The following FBXL17 variants were observed in gnomAD, a reference collection of about 807,000 sequenced individuals.
FBXL17 encodes the protein F-box/LRR-repeat protein 17.
In FBXL17, 22 loss-of-function variants were observed where a neutral mutation model predicts 66.2. The observed-to-expected ratio is 0.33, with a 90% CI of 0.24 to 0.47. The LOEUF is 0.47. Ranked by LOEUF, FBXL17 falls within the 20% of genes least tolerant of loss-of-function variation. The probability of loss-of-function intolerance (pLI) is 1.00; values close to 1 mark genes in which losing one functional copy is unlikely to be tolerated. For synonymous variants in FBXL17, 474 were observed against 400.5 expected (o/e 1.18, Z -2.19); for missense variants, 878 against 948.2 (o/e 0.93, Z 0.97).
At chr5:107,862,653 A>G (rs1477654965) in intron 8 of FBXL17, among the ~76,000 whole-genome samples, 1 of 152,256 alleles carries the variant, frequency 6.6e-6, no homozygotes, top group Non-Finnish European at 1.5e-5. Context: ...AGCTTTATTT[A>G]AAATCTTTAT....
chr5:108,036,477 T>C (rs1746845775), intron 6 of FBXL17, among the ~76,000 whole-genome samples: 1 of 152,180 alleles, frequency 6.6e-6, no homozygotes, highest in African/African-American at 2.4e-5. Context: ...TTACATTCCG[T>C]ATCTGGCCCT....
intron 5 of FBXL17, among the ~76,000 whole-genome samples, chr5:108,196,324 A>G (rs1450974196): frequency 1.3e-5 from 2 of 152,124 alleles, no homozygotes; most frequent in African/African-American, 2.4e-5. Flanking sequence ...GTAACAGCAT[A>G]ATTCAGCCTT....
chr5:107,893,797 G>A (rs1416722850), intron 7 of FBXL17, among the ~76,000 whole-genome samples: 1 of 152,058 alleles, frequency 6.6e-6, no homozygotes, highest in Non-Finnish European at 1.5e-5. Context: ...CATTGATTGC[G>A]ACATAAACCA....
intron 3 of FBXL17, among the ~76,000 whole-genome samples, chr5:108,351,129 A>C (rs1027526813): frequency 3.3e-5 from 5 of 152,210 alleles, no homozygotes; most frequent in African/African-American, 1.2e-4. Flanking sequence ...CTAGGTAAAG[A>C]AATAAAAAGA....
intron 5 of FBXL17, among the ~76,000 whole-genome samples, chr5:108,195,002 TA>T (rs1330252637): frequency 2.0e-5 from 3 of 152,058 alleles, no homozygotes; most frequent in Non-Finnish European, 4.4e-5. Flanking sequence ...TTTAATCACT[TA>T]AAAAATGCAA....
Position 108,381,024 on chromosome 5 carries a change from C to A in FBXL17, c.668G>T (p.Gly223Val). The change falls in exon 1 of 9, where the codon GGC (glycine) becomes GTC (valine). Residue 223 changes from glycine to valine, a missense_variant. This residue lies in a region of FBXL17 where 605 missense variants were observed against 509.5 expected (regional missense o/e 1.19). Coordinates refer to ENST00000542267, the MANE Select transcript of FBXL17 (RefSeq NM_001163315.3). ...CCCTCCCCCGCCACCGCCGCCGCCG[C>A]CGCCGCCGCAGCCCCCGCCGCCGCA... ...PRCGGGGCGGGGGGGGGGGPA... is the reference protein window; with the variant it reads ...PRCGGGGCGGVGGGGGGGGPA... The A allele has an allele frequency of 1.7e-6, 2 of 1,190,196 alleles. No individual in the cohort carries two copies. The highest frequency in any genetic ancestry group is 2.1e-6 in the Non-Finnish European group (2 of 961,662). 73.7% of individuals were successfully genotyped at this position (1,190,196 alleles called of 1,614,324 possible). A position where few individuals can be genotyped will look rare whatever the true frequency, so the allele number is the denominator to read the frequency against.
At chr5:108,157,180 T>C (rs1257628146) in intron 6 of FBXL17, among the ~76,000 whole-genome samples, 1 of 130,000 alleles carries the variant, frequency 7.7e-6, no homozygotes, top group Admixed American at 7.7e-5. Context: ...CTGAACAAAC[T>C]GGAAAAAAAA....
chr5:107,944,667 T>A lies in FBXL17; in HGVS notation c.1823-63488A>T, dbSNP rs138061039. Among the ~76,000 whole-genome samples, 620 of 152,314 alleles carry A rather than the reference T, an allele frequency of 4.1e-3. 5 individuals are homozygous for A. The highest frequency in any genetic ancestry group is 0.014 in the African/African-American group (597 of 41,586). On this transcript the variant is annotated intron_variant, in intron 7 of 8. Coordinates refer to ENST00000542267, the MANE Select transcript of FBXL17 (RefSeq NM_001163315.3). ...TCAAATAGATAATTTTGTTAACCTA[T>A]TAACTTTGATGAGACTGCCACATGT... is the stretch of plus-strand genomic sequence containing the variant.
chr5:108,272,255 C>T (rs1351799361), intron 4 of FBXL17, among the ~76,000 whole-genome samples: 1 of 151,856 alleles, frequency 6.6e-6, no homozygotes, highest in Non-Finnish European at 1.5e-5. Flanking sequence ...CGCGCCACCG[C>T]ACTCCAACCT....
chr5:107,913,068 T>C (rs887083710), intron 7 of FBXL17, among the ~76,000 whole-genome samples: 2 of 152,130 alleles, frequency 1.3e-5, no homozygotes, highest in Non-Finnish European at 2.9e-5. Flanking sequence ...TTTTATTTAT[T>C]TTTTTATCTT....
Position 108,011,822 on chromosome 5 carries a change from T to A in FBXL17, c.1822+9103A>T, listed in dbSNP as rs62361134. On this transcript the variant is annotated intron_variant, in intron 7 of 8. Transcript: ENST00000542267. ...CTGGGCAACAGAGTGAGACTCTATCTCAAAAACAAACAAACAAAAAGTTAA... is the reference window on the plus strand; with the variant it reads ...CTGGGCAACAGAGTGAGACTCTATCACAAAAACAAACAAACAAAAAGTTAA... Among the ~76,000 whole-genome samples, 539 of 152,036 alleles carry A rather than the reference T, an allele frequency of 3.5e-3. 6 individuals carry two copies. The highest frequency in any genetic ancestry group is 4.0e-3 in the Non-Finnish European group (274 of 67,988).
intron 4 of FBXL17, among the ~76,000 whole-genome samples, chr5:108,257,485 T>G (rs555398544): frequency 2.4e-4 from 37 of 152,218 alleles, no homozygotes; most frequent in African/African-American, 8.2e-4. Context: ...CGAGAGTCAT[T>G]TGAGCTCCAA....
intron 3 of FBXL17, among the ~76,000 whole-genome samples, chr5:108,363,670 G>A (rs190179540): frequency 6.6e-6 from 1 of 151,896 alleles, no homozygotes; most frequent in East Asian, 1.9e-4. Context: ...CCATGACTAC[G>A]ATCTTATTCT....
chr5:108,293,158 T>C (rs908896844), intron 4 of FBXL17, among the ~76,000 whole-genome samples: 18 of 152,008 alleles, frequency 1.2e-4, no homozygotes, highest in Non-Finnish European at 1.8e-4. Context: ...TATTAGTTTC[T>C]TATTAGTCTG....
At chr5:108,205,390 C>T (rs10057905) in intron 5 of FBXL17, among the ~76,000 whole-genome samples, 49,474 of 151,910 alleles carry the variant, frequency 0.33, 8,197 homozygotes, top group Middle Eastern at 0.38. Flanking sequence ...TCATTCTTGA[C>T]AAAACTAACA....
intron 8 of FBXL17, chr5:107,878,644 A>G: frequency 1.0e-6 from 1 of 985,428 alleles, no homozygotes; most frequent in Non-Finnish European, 1.2e-6. Flanking sequence ...GGTAACTTAA[A>G]ATCTGGAGAT....
intron 7 of FBXL17, among the ~76,000 whole-genome samples, chr5:107,923,822 C>T (rs1370368600): frequency 1.3e-5 from 2 of 152,118 alleles, no homozygotes; most frequent in Non-Finnish European, 2.9e-5. Context: ...GTCCTTGACA[C>T]TGGCATATTA....
intron 4 of FBXL17, among the ~76,000 whole-genome samples, chr5:108,247,376 T>A (rs533671055): frequency 6.6e-6 from 1 of 152,186 alleles, no homozygotes; most frequent in East Asian, 1.9e-4. Context: ...GTACAAAGTA[T>A]ATGAGAGAAT....
intron 7 of FBXL17, among the ~76,000 whole-genome samples, chr5:108,009,441 G>T (rs781473274): frequency 2.7e-5 from 4 of 150,130 alleles, no homozygotes; most frequent in Non-Finnish European, 5.9e-5. Context: ...TCTTTTCTCT[G>T]CCCTCACTCA....
Sources: allele counts gnomAD v4.1 joint callset (sites outside exome capture counted in the v4.1 genomes callset), GRCh38; gene constraint gnomAD v4.1.1; regional missense constraint gnomAD v4.1.1; transcripts MANE v1.5; gene names NCBI Gene and HGNC (gene_info 2026-07-23, HGNC 2026-07-21).